SAP130: variants seen among roughly 807,000 people sequenced by gnomAD.
SAP130 encodes the protein histone deacetylase complex subunit SAP130.
A neutral mutation model predicts 103.2 loss-of-function variants in SAP130; 16 were observed. That is an observed-to-expected ratio of 0.16 (90% CI 0.10 to 0.24). SAP130 has a LOEUF of 0.24. Among genes scored for constraint, SAP130 ranks in the 10% least tolerant of loss-of-function variants. The pLI is 1.00. For missense variants in SAP130, 990 were observed against 1,359.7 expected, an observed-to-expected ratio of 0.73 and a Z score of 4.28; for synonymous variants, 477 against 497.0, an observed-to-expected ratio of 0.96 and a Z score of 0.53.
At chr2:127,944,922 AAAG>A (rs1678969964) in intron 19 of SAP130, among the ~76,000 whole-genome samples, 1 of 151,628 alleles carries the variant, frequency 6.6e-6, no homozygotes, top group African/African-American at 2.4e-5. Context: ...AAAAAAAAAA[AAAG>A]AACAGGAGAG....
At chr2:128,008,479 C>T (rs1227817760) in intron 7 of SAP130, among the ~76,000 whole-genome samples, 1 of 151,490 alleles carries the variant, frequency 6.6e-6, no homozygotes, top group Non-Finnish European at 1.5e-5. Context: ...GATCCTCCCA[C>T]TTCCGTCTCC....
chr2:128,003,618 C>T (rs542598242), intron 7 of SAP130, among the ~76,000 whole-genome samples: 13 of 151,814 alleles, frequency 8.6e-5, no homozygotes, highest in Admixed American at 7.9e-4. Flanking sequence ...CAAAAAAAAT[C>T]CAGTCTGAAT....
intron 7 of SAP130, among the ~76,000 whole-genome samples, chr2:128,003,420 C>T (rs1404009708): frequency 1.3e-5 from 2 of 148,814 alleles, no homozygotes; most frequent in African/African-American, 2.5e-5. Flanking sequence ...GGTGGGAGGA[C>T]AGCTTGAAGC....
rs533746004 is a variant in SAP130, at chr2:127,955,586, G to A, written c.2064-242C>T. Among the ~76,000 whole-genome samples the A allele has an allele frequency of 1.6e-4, 25 of 152,138 alleles. No homozygotes were observed. The South Asian group carries it at 4.4e-3, about 27-fold the overall frequency. On this transcript the variant is annotated intron_variant, in intron 15 of 20. Transcript: ENST00000643581. This position sits in a 1 kb window ranked among gnomAD's most constrained non-coding sequence, Gnocchi z 4.9. The stretch of plus-strand genomic sequence containing the variant: ...ACCGCAACCTCTGTCTTCTGGGCTC[G>A]AGGGATTCTCCCACCTCATCCTCCC...
At chr2:127,992,808 G>A (rs539916897) in intron 12 of SAP130, among the ~76,000 whole-genome samples, 1 of 152,246 alleles carries the variant, frequency 6.6e-6, no homozygotes, top group Admixed American at 6.5e-5. Context: ...AAGTACCATG[G>A]AACCTAAAGT....
chr2:128,005,531 C>T (rs933997423), intron 7 of SAP130, among the ~76,000 whole-genome samples: 1 of 151,942 alleles, frequency 6.6e-6, no homozygotes, highest in Non-Finnish European at 1.5e-5. Context: ...AAGAGAATGG[C>T]TTGAACCCGG....
At chr2:128,018,321 A>G in intron 2 of SAP130, among the ~76,000 whole-genome samples, 1 of 149,622 alleles carries the variant, frequency 6.7e-6, no homozygotes, top group African/African-American at 2.5e-5. Context: ...TACAAAAAAA[A>G]AAAAAAAAAA....
Position 127,954,890 on chromosome 2 carries a change from T to C in SAP130, c.2422+96A>G, listed in dbSNP as rs182692691. The C allele has an allele frequency of 2.6e-4, 253 of 970,904 alleles. 4 individuals carry two copies. In the Middle Eastern group the frequency reaches 0.015, roughly 58 times the overall value. 60.1% of individuals were successfully genotyped at this position (970,904 alleles called of 1,614,324 possible). ...ATCTAAAATGGGTTATCAGGGAGTC[T>C]TGGCTGAGGGTTACAGAAGAATCTG... On this transcript the variant is annotated intron_variant, in intron 16 of 20. Coordinates refer to ENST00000643581, the MANE Select transcript of SAP130 (RefSeq NM_001330301.2).
intron 15 of SAP130, among the ~76,000 whole-genome samples, chr2:127,957,359 G>A (rs904055295): frequency 1.1e-4 from 16 of 152,190 alleles, no homozygotes; most frequent in Admixed American, 8.5e-4. Context: ...ACTAGAGTCT[G>A]AACTGTATAT....
chr2:127,976,987 T>G (rs1238939813), intron 15 of SAP130, among the ~76,000 whole-genome samples: 1 of 152,084 alleles, frequency 6.6e-6, no homozygotes, highest in South Asian at 2.1e-4. Flanking sequence ...TCAGAACTAT[T>G]ATCTTGATCA....
At chr2:128,026,980 G>A (rs1685545310) in intron 1 of SAP130, 2 of 1,042,102 alleles carry the variant, frequency 1.9e-6, no homozygotes, top group Non-Finnish European at 1.3e-6. Flanking sequence ...CGCTGAGACC[G>A]GAGGACGCCG....
At position 127,941,698 on chromosome 2, in the gene SAP130, G is replaced by T; in HGVS notation, c.*308C>A. ...ATAAATACAGTCTATAAACCGGAAGGCTGAAAAACACCAGCCAGCCATCCT... is the reference window on the plus strand; with the variant it reads ...ATAAATACAGTCTATAAACCGGAAGTCTGAAAAACACCAGCCAGCCATCCT... On this transcript the variant is annotated 3_prime_UTR_variant, in exon 21 of 21. Coordinates refer to ENST00000643581, the MANE Select transcript of SAP130 (RefSeq NM_001330301.2). 1.1e-5 allele frequency: 4 copies of T among 368,400 alleles called. No homozygotes were observed. Among genetic ancestry groups the T allele is most frequent in the Non-Finnish European group, 1.9e-5 (4 of 205,300 alleles). The allele number at this position is 368,400 out of a possible 1,614,324, so 22.8% of individuals were successfully genotyped here.
At chr2:128,026,634 T>C (rs757308372) in intron 1 of SAP130, among the ~76,000 whole-genome samples, 8 of 152,234 alleles carry the variant, frequency 5.3e-5, no homozygotes, top group Non-Finnish European at 1.0e-4. Flanking sequence ...TGTAAAGTTT[T>C]ATGGAAAATG....
At chr2:127,994,297 G>A (rs532463178) in intron 11 of SAP130, among the ~76,000 whole-genome samples, 3 of 152,304 alleles carry the variant, frequency 2.0e-5, no homozygotes, top group Admixed American at 6.5e-5. Flanking sequence ...TTGGGAGACT[G>A]AGGCAGGTGA....
intron 14 of SAP130, among the ~76,000 whole-genome samples, chr2:127,978,680 G>C: frequency 6.6e-6 from 1 of 152,144 alleles, no homozygotes; most frequent in East Asian, 1.9e-4. Context: ...AAAATAACTA[G>C]ACAGGAATAT....
At chr2:128,011,186 A>G (rs1360871296) in intron 6 of SAP130, among the ~76,000 whole-genome samples, 1 of 152,198 alleles carries the variant, frequency 6.6e-6, no homozygotes, top group Non-Finnish European at 1.5e-5. Flanking sequence ...CTCTCAGGCC[A>G]TCTACGTTAG....
intron 19 of SAP130, among the ~76,000 whole-genome samples, chr2:127,944,317 T>C (rs1678914329): frequency 6.6e-6 from 1 of 152,178 alleles, no homozygotes; most frequent in Admixed American, 6.6e-5. Context: ...ATCACAGGCC[T>C]GAGCCACTGA....
intron 7 of SAP130, among the ~76,000 whole-genome samples, chr2:128,002,065 T>C (rs1033163392): frequency 2.0e-5 from 3 of 152,098 alleles, no homozygotes; most frequent in African/African-American, 4.8e-5. Flanking sequence ...TAGCTGGGAC[T>C]ACAGGCGCGT....
chr2:127,999,792 G>C lies in SAP130; in HGVS notation c.1162C>G (p.Pro388Ala), dbSNP rs369874664. ...GCAGTAGCATGGGAGGAATGGGAGG[G>C]TACTGTCATGGTAACAATGGTACTT... Reference protein sequence around the residue: ...PTSTIVTMTVPSHSSHATAVT... With the variant: ...PTSTIVTMTVASHSSHATAVT... Residue 388 changes from proline to alanine, a missense_variant, in exon 10 of 21, where the codon CCC becomes GCC. Physicochemically the swap from Pro to Ala is conservative, Grantham distance 27 (BLOSUM62 -1). This residue lies in a region of SAP130 where 336 missense variants were observed against 520.1 expected (regional missense o/e 0.65). Transcript: ENST00000643581. 1 of 1,535,722 alleles carries C rather than the reference G, an allele frequency of 6.5e-7. No individual in the cohort carries two copies. Among genetic ancestry groups the C allele is most frequent in the Non-Finnish European group, 8.7e-7 (1 of 1,144,852 alleles).
Sources: allele counts gnomAD v4.1 joint callset (sites outside exome capture counted in the v4.1 genomes callset), GRCh38; gene constraint gnomAD v4.1.1; regional missense constraint gnomAD v4.1.1; non-coding constraint Gnocchi (gnomAD v3.1); transcripts MANE v1.5; gene names NCBI Gene and HGNC (gene_info 2026-07-23, HGNC 2026-07-21).